MEIOB: variants seen among roughly 807,000 people sequenced by gnomAD.
MEIOB encodes meiosis specific with OB-fold.
In MEIOB, 50 loss-of-function variants were observed where a neutral mutation model predicts 53.1. The observed-to-expected ratio is 0.94, with a 90% CI of 0.75 to 1.19. MEIOB has a LOEUF of 1.19. Ranked by LOEUF, MEIOB falls within the 50% of genes most tolerant of loss-of-function variation. The pLI, the probability that MEIOB is intolerant of heterozygous loss-of-function variation, is 0.00. For missense variants in MEIOB, 551 were observed against 550.8 expected, an observed-to-expected ratio of 1.00 and a Z score of 0.00; for synonymous variants, 192 against 182.5, an observed-to-expected ratio of 1.05 and a Z score of -0.42.
At position 1,860,473 on chromosome 16, in the gene MEIOB, T is replaced by C. The variant is rs1239714284; in HGVS notation, c.262A>G (p.Ile88Val). Residue 88 changes from isoleucine (I) to valine (V), a missense_variant and splice_region_variant, in exon 5 of 14, where the codon ATA becomes GTA. Coordinates refer to ENST00000325962, the MANE Select transcript of MEIOB (RefSeq NM_001163560.3). Reference protein sequence around the residue: ...SDSFRVGDCVIIENPLIQRKE... With the variant: ...SDSFRVGDCVVIENPLIQRKE... ...CTTTGGATCAGAGGATTTTCAATTA[T>C]CACTAAAACAGAGGGCAAAGTATGA... The C allele has an allele frequency of 1.3e-6, 2 of 1,535,540 alleles. No individual in the cohort carries two copies. Among genetic ancestry groups the C allele is most frequent in the East Asian group, 2.5e-5 (1 of 40,762 alleles).
At chr16:1,871,624 T>C (rs1899754021) in intron 1 of MEIOB, among the ~76,000 whole-genome samples, 3 of 145,292 alleles carry the variant, frequency 2.1e-5, no homozygotes, top group African/African-American at 7.6e-5. Flanking sequence ...TCCCGGGTTC[T>C]AGCGAGTCTC....
At chr16:1,860,568 C>A (rs1408850867) in intron 4 of MEIOB, 93 bp from the exon 5 acceptor site, 31 of 711,746 alleles carry the variant, frequency 4.4e-5, no homozygotes, top group Admixed American at 9.5e-5. Context: ...TTATGATCAT[C>A]ATCGACTCTA....
Position 1,844,963 on chromosome 16 carries a change from T to A in MEIOB, c.779A>T (p.Asp260Val), listed in dbSNP as rs1170305712. 3 of 1,394,258 alleles carry A rather than the reference T, an allele frequency of 2.2e-6. No individual in the cohort carries two copies. Among genetic ancestry groups the A allele is most frequent in the African/African-American group, 2.9e-5 (2 of 69,904 alleles). 86.4% of individuals were successfully genotyped at this position (1,394,258 alleles called of 1,614,324 possible). The change falls in exon 10 of 14, where the codon GAT becomes GTT. Residue 260 changes from aspartate to valine, a missense_variant and splice_region_variant. Physicochemically the swap from Asp to Val is radical, Grantham distance 152 (BLOSUM62 -3). Transcript: ENST00000325962. ...ISKTIITTNPDIPEANILLNF... is the reference protein window; with the variant it reads ...ISKTIITTNPVIPEANILLNF... Reference sequence around the variant, plus strand: ...CAGCAGAATGTTAGCTTCTGGTATATCTTAAATTGAAAATGCATAATAAGT... The same window carrying A: ...CAGCAGAATGTTAGCTTCTGGTATAACTTAAATTGAAAATGCATAATAAGT...
intron 5 of MEIOB, among the ~76,000 whole-genome samples, chr16:1,858,727 C>T (rs1291423849): frequency 6.6e-6 from 1 of 152,196 alleles, no homozygotes; most frequent in Non-Finnish European, 1.5e-5. Context: ...TCTCCTCCTG[C>T]CCGTGCCCTG....
chr16:1,838,857 A>G (rs1898820107), intron 12 of MEIOB, among the ~76,000 whole-genome samples: 1 of 151,932 alleles, frequency 6.6e-6, no homozygotes, highest in Non-Finnish European at 1.5e-5. Context: ...ACACCCAGCT[A>G]ATTTTTGTAT....
intron 2 of MEIOB, 129 bp downstream of exon 2, chr16:1,867,978 T>C: frequency 1.9e-6 from 1 of 530,146 alleles, no homozygotes; most frequent in South Asian, 3.2e-5. Context: ...CTAACAATTA[T>C]ACCAATGCAA....
intron 10 of MEIOB, 140 bp downstream of exon 10, chr16:1,844,722 C>A: frequency 1.9e-6 from 1 of 525,490 alleles, no homozygotes; most frequent in Non-Finnish European, 3.4e-6. Context: ...AAGATGCCCA[C>A]TATTTTAAGC....
intron 3 of MEIOB, among the ~76,000 whole-genome samples, chr16:1,864,525 G>A (rs2475043): frequency 0.83 from 121,307 of 145,852 alleles, 50,262 homozygotes; most frequent in Middle Eastern, 0.91. Flanking sequence ...TTTCACTCTT[G>A]CTGCCCAGGC....
chr16:1,854,763 G>A (rs895805309), intron 6 of MEIOB, among the ~76,000 whole-genome samples: 13 of 152,034 alleles, frequency 8.6e-5, no homozygotes, highest in South Asian at 4.2e-4. Flanking sequence ...CTTTGACACT[G>A]TCCAATTCTG....
intron 13 of MEIOB, among the ~76,000 whole-genome samples, chr16:1,835,815 G>A (rs1173700568): frequency 2.6e-5 from 4 of 151,858 alleles, no homozygotes; most frequent in African/African-American, 9.7e-5. Flanking sequence ...AACCCATTCA[G>A]CATTTTGCAT....
intron 3 of MEIOB, among the ~76,000 whole-genome samples, chr16:1,863,732 A>C (rs1392331502): frequency 6.7e-6 from 1 of 148,890 alleles, no homozygotes; most frequent in South Asian, 2.1e-4. Flanking sequence ...TCTCAAAAAA[A>C]AAAAAAATAA....
At chr16:1,871,349 A>G (rs1899739279) in intron 1 of MEIOB, among the ~76,000 whole-genome samples, 1 of 109,000 alleles carries the variant, frequency 9.2e-6, no homozygotes, top group Non-Finnish European at 1.9e-5. Flanking sequence ...CCTCCCGAGT[A>G]GCTGGGACTA....
At chr16:1,854,528 T>C (rs1899253432) in intron 6 of MEIOB, among the ~76,000 whole-genome samples, 1 of 152,186 alleles carries the variant, frequency 6.6e-6, no homozygotes, top group East Asian at 1.9e-4. Context: ...GGGCAGGGAC[T>C]GTGTTTCCAG....
At chr16:1,845,569 G>A (rs1016695505) in intron 9 of MEIOB, among the ~76,000 whole-genome samples, 19 of 152,022 alleles carry the variant, frequency 1.2e-4, no homozygotes, top group African/African-American at 4.1e-4. Flanking sequence ...GAATATATAC[G>A]AAAAAATGAT....
At chr16:1,845,817 C>G (rs962895696) in intron 9 of MEIOB, among the ~76,000 whole-genome samples, 2 of 152,060 alleles carry the variant, frequency 1.3e-5, no homozygotes, top group Non-Finnish European at 2.9e-5. Context: ...GGAAAGAGCT[C>G]CCCCATGATG....
At chr16:1,856,797 T>C in intron 6 of MEIOB, among the ~76,000 whole-genome samples, 2 of 125,836 alleles carry the variant, frequency 1.6e-5, no homozygotes, top group Non-Finnish European at 1.6e-5. Context: ...AGGGTCTCCC[T>C]CTATTGCCCA....
At chr16:1,844,250 GTATCTGGGA>G (rs1898980299) in intron 10 of MEIOB, among the ~76,000 whole-genome samples, 1 of 151,102 alleles carries the variant, frequency 6.6e-6, no homozygotes, top group Non-Finnish European at 1.5e-5. Context: ...AGCCTCCTGA[GTATCTGGGA>G]TTACAGGTGC....
chr16:1,871,301 G>C (rs1424235205), intron 1 of MEIOB, among the ~76,000 whole-genome samples: 8 of 143,694 alleles, frequency 5.6e-5, no homozygotes, highest in Non-Finnish European at 1.5e-5. Context: ...CTCACTACAA[G>C]CTCCGCCTCC....
chr16:1,863,354 GTTTT>G (rs1555472780), intron 3 of MEIOB, among the ~76,000 whole-genome samples: 1 of 146,550 alleles, frequency 6.8e-6, no homozygotes, highest in Non-Finnish European at 1.5e-5. Flanking sequence ...GCTAATTTTT[GTTTT>G]TTGTTTTTTT....
Sources: allele counts gnomAD v4.1 joint callset (sites outside exome capture counted in the v4.1 genomes callset), GRCh38; gene constraint gnomAD v4.1.1; transcripts MANE v1.5; gene names NCBI Gene and HGNC (gene_info 2026-07-23, HGNC 2026-07-21).